GUSB: variants seen among roughly 807,000 people sequenced by gnomAD.
GUSB encodes the protein beta-glucuronidase.
A neutral mutation model predicts 74.6 loss-of-function variants in GUSB; 51 were observed. That is an observed-to-expected ratio of 0.68 (90% CI 0.55 to 0.86). The LOEUF is 0.86. GUSB is among the 40% of genes least tolerant of loss of function. The pLI is 0.00. For synonymous variants in GUSB, 360 were observed against 348.3 expected (o/e 1.03, Z -0.37); for missense variants, 736 against 853.7 (o/e 0.86, Z 1.72).
intron 8 of GUSB, among the ~76,000 whole-genome samples, chr7:65,971,238 T>C (rs896075049): frequency 6.6e-6 from 1 of 152,162 alleles, no homozygotes; most frequent in African/African-American, 2.4e-5. Context: ...TGGGGCTAGG[T>C]GCGAGGTGCT....
chr7:65,969,514 T>C (rs765218771), intron 9 of GUSB, among the ~76,000 whole-genome samples: 2 of 151,886 alleles, frequency 1.3e-5, no homozygotes, highest in African/African-American at 4.8e-5. Flanking sequence ...CTGGGCAACA[T>C]AGAGAGATGC....
intron 9 of GUSB, 32 bp from the exon 10 acceptor site, chr7:65,967,939 C>A (rs1442439574): frequency 6.3e-7 from 1 of 1,580,060 alleles, no homozygotes; most frequent in Non-Finnish European, 8.6e-7. Context: ...CCGTTCAGCA[C>A]TCAGTAGACA....
At position 65,982,192 on chromosome 7, in the gene GUSB, G is replaced by A. The variant is rs1397548041; in HGVS notation, c.-9C>T. 3 of 1,503,482 alleles carry A rather than the reference G, an allele frequency of 2.0e-6. No homozygotes were observed. Among genetic ancestry groups the A allele is most frequent in the Non-Finnish European group, 2.7e-6 (3 of 1,126,484 alleles). 93.1% of individuals were successfully genotyped at this position (1,503,482 alleles called of 1,614,324 possible). ...GCCGACCCCCGGGCCATGCTTCCCG[G>A]TCCCCCGCTCGGCCACCGTCTGCGG... On this transcript the variant is annotated 5_prime_UTR_variant, in exon 1 of 12. Coordinates refer to ENST00000304895, the MANE Select transcript of GUSB (RefSeq NM_000181.4).
chr7:65,978,981 G>T (rs558730452), intron 4 of GUSB, among the ~76,000 whole-genome samples: 1 of 152,174 alleles, frequency 6.6e-6, no homozygotes, highest in Admixed American at 6.5e-5. Flanking sequence ...TGCCCAGGCT[G>T]CTCTTGAACT....
Position 65,964,397 on chromosome 7 carries a change from C to G in GUSB, c.1715G>C (p.Gly572Ala). 6.2e-7 allele frequency: 1 copy of G among 1,610,706 alleles called. No individual in the cohort carries two copies. The highest frequency in any genetic ancestry group is 8.5e-7 in the Non-Finnish European group (1 of 1,178,608). ...GTATTTTCTGCGTTTTTGATCCAGA[C>G]CCAGATGGTACTGCTCTAGCAGACT... The part of the protein sequence containing the change: ...QKSLLEQYHL[G>A]LDQKRRKYVV... The change falls in exon 11 of 12, where the codon GGT (glycine) becomes GCT (alanine). Residue 572 changes from glycine to alanine, a missense_variant. By Grantham distance (60) the Gly-to-Ala change is moderately conservative. This residue lies in a region of GUSB where 368 missense variants were observed against 489.9 expected (regional missense o/e 0.75). Coordinates refer to ENST00000304895, the MANE Select transcript of GUSB (RefSeq NM_000181.4).
At chr7:65,980,007 G>T in intron 2 of GUSB, 96 bp from the exon 3 acceptor site, 1 of 1,095,492 alleles carries the variant, frequency 9.1e-7, no homozygotes, top group Non-Finnish European at 1.3e-6. Flanking sequence ...GCAGCATGGG[G>T]CTCCGGGGCC....
chr7:65,972,176 T>C (rs1440039597), intron 8 of GUSB, among the ~76,000 whole-genome samples: 2 of 152,166 alleles, frequency 1.3e-5, no homozygotes, highest in Admixed American at 6.6e-5. Context: ...TTTTGTTTTT[T>C]TGAGAGACAG....
intron 8 of GUSB, among the ~76,000 whole-genome samples, chr7:65,973,364 G>A (rs144313602): frequency 6.6e-5 from 10 of 152,292 alleles, no homozygotes; most frequent in African/African-American, 1.9e-4. Context: ...CGAGGCAGGC[G>A]GATCATGAGT....
At chr7:65,968,399 G>A (rs950676049) in intron 9 of GUSB, among the ~76,000 whole-genome samples, 7 of 152,080 alleles carry the variant, frequency 4.6e-5, no homozygotes, top group Admixed American at 2.6e-4. Context: ...CACTCATGAC[G>A]TGCGCCGCTG....
intron 11 of GUSB, among the ~76,000 whole-genome samples, chr7:65,962,735 G>A (rs1790577983): frequency 6.6e-6 from 1 of 151,966 alleles, no homozygotes; most frequent in Non-Finnish European, 1.5e-5. Flanking sequence ...AGCCGGGTGT[G>A]GTGGCGCATG....
At chr7:65,981,819 T>TCCCCCAAGCCGGCG (rs1306453689) in intron 1 of GUSB, 155 bp downstream of exon 1, 2 of 640,646 alleles carry the variant, frequency 3.1e-6, no homozygotes, top group Non-Finnish European at 5.2e-6. Context: ...TGTTCCCCCG[T>TCCCCCAAGCCGGCG]CCCCCAAGCC....
rs375970959 is a variant in GUSB at position 65,975,023 on chromosome 7, T to C, written c.961A>G (p.Thr321Ala). Reference sequence around the variant, plus strand: ...ACAGTGCGGATCCCCACAGGGAGTGTGTAGAAGTCAGACACAGGCCCCAGT... The same window carrying C: ...ACAGTGCGGATCCCCACAGGGAGTGCGTAGAAGTCAGACACAGGCCCCAGT... ...TSLGPVSDFY[T>A]LPVGIRTVAV... The change falls in exon 6 of 12, where the codon ACA (threonine) becomes GCA (alanine). Residue 321 changes from threonine (T) to alanine (A), a missense_variant. Around this residue, in one of 2 missense-constraint regions of GUSB, gnomAD observed 368 missense variants for 489.9 expected, o/e 0.75. Transcript: ENST00000304895. 1 of 1,613,304 alleles carries C rather than the reference T, an allele frequency of 6.2e-7. No individual in the cohort carries two copies. Among genetic ancestry groups the C allele is most frequent in the African/African-American group, 1.3e-5 (1 of 74,874 alleles).
At chr7:65,972,202 C>A (rs1791258650) in intron 8 of GUSB, among the ~76,000 whole-genome samples, 1 of 152,172 alleles carries the variant, frequency 6.6e-6, no homozygotes. Flanking sequence ...CACTCTGTAG[C>A]CCAGGCTGGA....
Position 65,974,650 on chromosome 7 carries a change from G to C in GUSB, c.1120C>G (p.Arg374Gly), listed in dbSNP as rs747572640. The C allele has an allele frequency of 1.9e-6, 3 of 1,613,788 alleles. No homozygotes were observed. The highest frequency in any genetic ancestry group is 2.5e-6 in the Non-Finnish European group (3 of 1,180,042). The change falls in exon 7 of 12, where the codon CGC becomes GGC. Residue 374 changes from arginine to glycine, a missense_variant. By Grantham distance (125) the Arg-to-Gly change is moderately radical. Coordinates refer to ENST00000304895, the MANE Select transcript of GUSB (RefSeq NM_000181.4). Reference sequence around the variant, plus strand: ...CGGAAAGCGTTGGCACCAAGCCAGCGAAGCAGGTTGAAGTCCTTCACCAGC... The same window carrying C: ...CGGAAAGCGTTGGCACCAAGCCAGCCAAGCAGGTTGAAGTCCTTCACCAGC... ...PLLVKDFNLL[R>G]WLGANAFRTS...
rs180910743 is a variant in GUSB, at chr7:65,981,697, A to G, written c.210+277T>C. On this transcript the variant is annotated intron_variant, in intron 1 of 11. Coordinates refer to ENST00000304895, the MANE Select transcript of GUSB (RefSeq NM_000181.4). Reference sequence around the variant, plus strand: ...TCAAAAAAATTTTTAAAAATTAAAAATAAATATTGAAAGGAAGGATACTGC... The same window carrying G: ...TCAAAAAAATTTTTAAAAATTAAAAGTAAATATTGAAAGGAAGGATACTGC... Among the ~76,000 whole-genome samples, 463 of 152,316 alleles carry G rather than the reference A, an allele frequency of 3.0e-3. 4 individuals are homozygous for G. Among genetic ancestry groups the G allele is most frequent in the African/African-American group, 0.011 (442 of 41,578 alleles).
chr7:65,964,550 A>G lies in GUSB; in HGVS notation c.1654-92T>C, dbSNP rs1583890428. On this transcript the variant is annotated intron_variant, in intron 10 of 11. Transcript: ENST00000304895. ...AAAGATCCACTTGATGGTGACCAAA[A>G]TATCTGTCTTCACAGGGGGCTATAG... 8.4e-6 allele frequency: 10 copies of G among 1,184,360 alleles called. No individual in the cohort carries two copies. The East Asian group carries it at 1.0e-4, about 12-fold the overall frequency. The allele number at this position is 1,184,360 out of a possible 1,614,324, so 73.4% of individuals were successfully genotyped here.
chr7:65,979,818 A>G lies in GUSB; in HGVS notation c.490T>C (p.Ser164Pro). Residue 164 changes from serine (S) to proline (P), a missense_variant, in exon 3 of 12, where the codon TCC (serine) becomes CCC (proline). Around this residue, in one of 2 missense-constraint regions of GUSB, gnomAD observed 368 missense variants for 363.8 expected, o/e 1.01. Transcript: ENST00000304895. ...SNLVQVGPLP[S>P]RLRITIAINN... ...ATGGCGATAGTGATTCGGAGCCGGG[A>G]GGGCAGGGGCCCCACCTGGACCAGG... The G allele has an allele frequency of 6.2e-7, 1 of 1,613,704 alleles. No individual in the cohort carries two copies. Among genetic ancestry groups the G allele is most frequent in the South Asian group, 1.1e-5 (1 of 91,084 alleles).
chr7:65,966,181 AAAG>A (rs1169482176), intron 10 of GUSB, among the ~76,000 whole-genome samples: 1 of 152,198 alleles, frequency 6.6e-6, no homozygotes, highest in East Asian at 1.9e-4. Flanking sequence ...AAAAAAAAAA[AAAG>A]AATTCAGAGC....
At chr7:65,971,495 G>A (rs566888925) in intron 8 of GUSB, among the ~76,000 whole-genome samples, 2 of 152,224 alleles carry the variant, frequency 1.3e-5, no homozygotes, top group South Asian at 2.1e-4. Context: ...TTGGGAGGCC[G>A]AGGCGGGTGG....
Sources: allele counts gnomAD v4.1 joint callset (sites outside exome capture counted in the v4.1 genomes callset), GRCh38; gene constraint gnomAD v4.1.1; regional missense constraint gnomAD v4.1.1; transcripts MANE v1.5; gene names NCBI Gene and HGNC (gene_info 2026-07-23, HGNC 2026-07-21).